DPEP1: variants seen among roughly 807,000 people sequenced by gnomAD.
DPEP1 encodes dipeptidase 1.
DPEP1 carries 50 observed loss-of-function variants against 42.3 expected under a neutral mutation model. The observed-to-expected ratio is 1.18, with a 90% CI of 0.94 to 1.50. The LOEUF (loss-of-function observed/expected upper bound fraction) is 1.50. DPEP1 is among the 40% of genes most tolerant of loss of function. The pLI is 0.00. For synonymous variants in DPEP1, 297 were observed against 234.0 expected (o/e 1.27, Z -2.46); for missense variants, 663 against 553.0 (o/e 1.20, Z -1.99).
downstream of DPEP1, chr16:89,640,681 G>A (rs979874567): frequency 1.0e-6 from 1 of 976,242 alleles, no homozygotes; most frequent in South Asian, 4.8e-5. Flanking sequence ...TGGGATTGGA[G>A]ACTCGGGGGG....
intron 1 of DPEP1, among the ~76,000 whole-genome samples, chr16:89,622,131 T>A (rs2059453518): frequency 6.6e-6 from 1 of 152,106 alleles, no homozygotes; most frequent in Admixed American, 6.5e-5. Flanking sequence ...CCCAGGACTC[T>A]CATGCAGGAG....
chr16:89,630,590 C>CTGGGGCTTGGGGAG (rs1198209728), intron 2 of DPEP1, 76 bp downstream of exon 2: 2 of 63,252 alleles, frequency 3.2e-5, no homozygotes, highest in Non-Finnish European at 8.2e-5. Flanking sequence ...GCTGGGGGAG[C>CTGGGGCTTGGGGAG]CGGGGCTGGG....
chr16:89,615,559 C>T (rs1176301019), intron 1 of DPEP1, among the ~76,000 whole-genome samples: 1 of 152,202 alleles, frequency 6.6e-6, no homozygotes, highest in African/African-American at 2.4e-5. Context: ...CCCATGGAAG[C>T]AGTGGTGGCT....
intron 1 of DPEP1, among the ~76,000 whole-genome samples, chr16:89,622,826 G>A (rs1222767373): frequency 2.6e-5 from 4 of 151,584 alleles, no homozygotes; most frequent in East Asian, 3.9e-4. Flanking sequence ...GAAAGTCTCC[G>A]CTGCAGGCAA....
At chr16:89,620,533 G>C (rs2059435088) in intron 1 of DPEP1, 1 of 152,334 alleles carries the variant, frequency 6.6e-6, no homozygotes, top group African/African-American at 2.4e-5. Flanking sequence ...CTGAGGGCAT[G>C]CGTATCTTCG....
At position 89,637,960 on chromosome 16, in the gene DPEP1, G is replaced by T. The variant is rs967870639; in HGVS notation, c.1054G>T (p.Ala352Ser). The T allele has an allele frequency of 1.9e-6, 3 of 1,608,486 alleles. No individual in the cohort carries two copies. The highest frequency in any genetic ancestry group is 1.6e-4 in the Middle Eastern group (1 of 6,076). ...LADNLLRVFE[A>S]VEQASNLTQA... ...TGACAACCTGCTGAGGGTCTTCGAG[G>T]CTGTGGAACAGGTGAGGATGGGGTG... The change falls in exon 10 of 11, where the codon GCT becomes TCT. Residue 352 changes from alanine to serine, a missense_variant. Ala to Ser is a moderately conservative substitution (Grantham distance 99). Transcript: ENST00000690203.
At chr16:89,628,030 C>T (rs1385801669) in intron 1 of DPEP1, among the ~76,000 whole-genome samples, 1 of 152,012 alleles carries the variant, frequency 6.6e-6, no homozygotes, top group Non-Finnish European at 1.5e-5. Context: ...TCATGCCATT[C>T]TCCTGCCTCA....
chr16:89,614,566 G>A (rs2059362932), intron 1 of DPEP1, among the ~76,000 whole-genome samples: 1 of 152,116 alleles, frequency 6.6e-6, no homozygotes, highest in South Asian at 2.1e-4. Context: ...AGGCCGAGGT[G>A]GGCAGATCAT....
chr16:89,630,399 G>C lies in DPEP1; in HGVS notation c.-12G>C, dbSNP rs377731528. On this transcript the variant is annotated 5_prime_UTR_variant, in exon 2 of 11. Transcript: ENST00000690203. ...AGGGCAGCAGTGCACACAGGTCCCC[G>C]GGGACCCCACCATGTGGAGCGGATG... The C allele has an allele frequency of 3.7e-6, 6 of 1,605,408 alleles. No individual in the cohort carries two copies. In the South Asian group the frequency reaches 4.4e-5, roughly 12 times the overall value.
chr16:89,641,268 A>G (rs1045149491), downstream of DPEP1, among the ~76,000 whole-genome samples: 2 of 152,090 alleles, frequency 1.3e-5, no homozygotes, highest in African/African-American at 4.8e-5. Context: ...ATGGTGGAGC[A>G]GAGTCTTTTC....
chr16:89,617,335 G>A (rs1442818903), intron 1 of DPEP1, among the ~76,000 whole-genome samples: 1 of 152,112 alleles, frequency 6.6e-6, no homozygotes, highest in African/African-American at 2.4e-5. Context: ...GAGAGGTGAG[G>A]GGAAAAGCGC....
Position 89,634,378 on chromosome 16 carries a change from T to C in DPEP1, c.105-1530T>C, listed in dbSNP as rs531418156. ...CTGGGATTACAGGCATGAGCCACCC[T>C]GCCTGGCCTGAGAATTGCATTCCTA... is the stretch of plus-strand genomic sequence containing the variant. On this transcript the variant is annotated intron_variant, in intron 2 of 10. Transcript: ENST00000690203. Among the ~76,000 whole-genome samples, 190 of 152,222 alleles carry C rather than the reference T, an allele frequency of 1.2e-3. 1 individual carries two copies. Among genetic ancestry groups the C allele is most frequent in the African/African-American group, 4.4e-3 (183 of 41,556 alleles).
At chr16:89,633,964 G>C (rs1000178733) in intron 2 of DPEP1, among the ~76,000 whole-genome samples, 14 of 152,282 alleles carry the variant, frequency 9.2e-5, no homozygotes, top group African/African-American at 3.4e-4. Context: ...CCCAGGGTCG[G>C]GGGTCAGGCC....
At chr16:89,624,142 A>C (rs1442307304) in intron 1 of DPEP1, among the ~76,000 whole-genome samples, 1 of 152,186 alleles carries the variant, frequency 6.6e-6, no homozygotes, top group Non-Finnish European at 1.5e-5. Flanking sequence ...ACCCGCTGCT[A>C]GGGAATGGTT....
chr16:89,615,972 C>T (rs1440769423), intron 1 of DPEP1, among the ~76,000 whole-genome samples: 1 of 152,102 alleles, frequency 6.6e-6, no homozygotes, highest in Non-Finnish European at 1.5e-5. Context: ...GTGTCGTGTC[C>T]CCAGGCAGGA....
At chr16:89,636,168 G>T in intron 3 of DPEP1, 96 bp from the exon 4 acceptor site, 5 of 1,550,730 alleles carry the variant, frequency 3.2e-6, no homozygotes, top group Non-Finnish European at 4.3e-6. Context: ...CCGAGGGAGG[G>T]CTTCCCAGCG....
downstream of DPEP1, among the ~76,000 whole-genome samples, chr16:89,639,115 ATTCACATCCCACCCCTG>A (rs2151506778): frequency 2.5e-5 from 1 of 39,730 alleles, no homozygotes; most frequent in Non-Finnish European, 4.5e-5. Flanking sequence ...ACCCCTGCAC[ATTCACATCCCACCCCTG>A]CACACACCCT....
At chr16:89,617,709 GTGGCTCACACCT>G (rs2059394877) in intron 1 of DPEP1, among the ~76,000 whole-genome samples, 3 of 78,430 alleles carry the variant, frequency 3.8e-5, no homozygotes, top group East Asian at 3.1e-4. Flanking sequence ...GTTGGGCACG[GTGGCTCACACCT>G]GTAATCCCAG....
rs769385774 is a variant in DPEP1 at position 89,637,245 on chromosome 16, C to T, written c.633C>T (p.Asp211=). Residue 211 remains aspartate (D), a synonymous_variant, in exon 7 of 11, where the codon GAC becomes GAT. Coordinates refer to ENST00000690203, the MANE Select transcript of DPEP1 (RefSeq NM_001389466.1). Reference sequence around the variant, plus strand: ...TGAACCGTCTGGGGGTCCTCATCGACTTGGCTCACGTGTCTGTGGCCACCA... The same window carrying T: ...TGAACCGTCTGGGGGTCCTCATCGATTTGGCTCACGTGTCTGTGGCCACCA... ...KELNRLGVLI[D]LAHVSVATMK... 2 of 1,612,746 alleles carry T rather than the reference C, an allele frequency of 1.2e-6. No homozygotes were observed. The highest frequency in any genetic ancestry group is 1.7e-6 in the Non-Finnish European group (2 of 1,179,952).
Sources: allele counts gnomAD v4.1 joint callset (sites outside exome capture counted in the v4.1 genomes callset), GRCh38; gene constraint gnomAD v4.1.1; transcripts MANE v1.5; gene names NCBI Gene and HGNC (gene_info 2026-07-23, HGNC 2026-07-21).